Variants in ZFHX3 observed in about 807,000 individuals in gnomAD.
The protein encoded by ZFHX3 is zinc finger homeobox 3, also known as zinc finger homeobox protein 3.
Under a neutral mutation model 279.1 loss-of-function variants are expected in ZFHX3, and 42 were observed. That is an observed-to-expected ratio of 0.15 (90% CI 0.12 to 0.19). The LOEUF (loss-of-function observed/expected upper bound fraction) is 0.19, where lower values mean the gene tolerates loss of function less well. Ranked by LOEUF, ZFHX3 falls within the 10% of genes least tolerant of loss-of-function variation. ZFHX3 has a pLI of 1.00. For synonymous variants in ZFHX3, 2,293 were observed against 1,957.8 expected, an observed-to-expected ratio of 1.17 and a Z score of -4.52; for missense variants, 4,981 against 4,754.0, an observed-to-expected ratio of 1.05 and a Z score of -1.40.
intron 1 of ZFHX3, among the ~76,000 whole-genome samples, chr16:73,693,116 G>A (rs931701037): frequency 3.3e-5 from 5 of 152,114 alleles, no homozygotes; most frequent in African/African-American, 9.7e-5. Context: ...TGGCAATCAG[G>A]AAAAACAAGA....
chr16:72,825,824 A>G lies in ZFHX3; in HGVS notation c.3529+3955T>C, dbSNP rs149127158. The stretch of plus-strand genomic sequence containing the variant: ...AAAATTAAATACAATTTAAAGTTCA[A>G]TTCCTCAGTGGTACCAGCCACACTT... On this transcript the variant is annotated intron_variant, in intron 5 of 9. Coordinates refer to ENST00000268489, the MANE Select transcript of ZFHX3 (RefSeq NM_006885.4). Among the ~76,000 whole-genome samples the G allele has an allele frequency of 4.4e-3, 669 of 152,278 alleles. 4 individuals are homozygous for G. The highest frequency in any genetic ancestry group is 0.015 in the African/African-American group (636 of 41,552).
chr16:73,472,897 A>G (rs2018694233), intron 2 of ZFHX3, among the ~76,000 whole-genome samples: 1 of 151,866 alleles, frequency 6.6e-6, no homozygotes, highest in South Asian at 2.1e-4. Flanking sequence ...GGATTTCATC[A>G]TCTCTTGTCA....
At chr16:73,369,980 A>T (rs1451892784) in intron 3 of ZFHX3, among the ~76,000 whole-genome samples, 1 of 152,214 alleles carries the variant, frequency 6.6e-6, no homozygotes, top group African/African-American at 2.4e-5. Context: ...AGGACACACA[A>T]AAGATCCCTT....
chr16:73,424,881 G>C (rs762763844), intron 3 of ZFHX3, among the ~76,000 whole-genome samples: 1 of 151,448 alleles, frequency 6.6e-6, no homozygotes, highest in Admixed American at 6.6e-5. Context: ...AAAAGAGTTC[G>C]TTATTCTATA....
At chr16:73,312,768 C>T (rs952156166) in intron 4 of ZFHX3, among the ~76,000 whole-genome samples, 3 of 152,190 alleles carry the variant, frequency 2.0e-5, no homozygotes, top group Non-Finnish European at 4.4e-5. Flanking sequence ...GGGGCATGCT[C>T]AAGGTCAACA....
chr16:73,682,042 T>TG (rs1429553943), intron 1 of ZFHX3, among the ~76,000 whole-genome samples: 1 of 152,184 alleles, frequency 6.6e-6, no homozygotes, highest in East Asian at 1.9e-4. Context: ...TAATGGATGC[T>TG]TAACAAATAA....
chr16:73,565,978 A>G (rs1247437434), intron 2 of ZFHX3, among the ~76,000 whole-genome samples: 1 of 152,192 alleles, frequency 6.6e-6, no homozygotes, highest in Non-Finnish European at 1.5e-5. Flanking sequence ...AGGAGAAAAG[A>G]TGAGTTCTGA....
rs2143442318 is a variant in ZFHX3 at position 72,796,971 on chromosome 16, C to A, written c.5711G>T (p.Gly1904Val). Reference sequence around the variant, plus strand: ...GGCATCTGGCAGTGTTTCCTTCGGACCGGTGTTGCCCTCTCCCCCCTCGGC... The same window carrying A: ...GGCATCTGGCAGTGTTTCCTTCGGAACGGTGTTGCCCTCTCCCCCCTCGGC... Reference protein sequence around the residue: ...DSAEGGEGNTGPKETLPDALK... With the variant: ...DSAEGGEGNTVPKETLPDALK... Residue 1904 changes from glycine to valine, a missense_variant, in exon 9 of 10, where the codon GGT becomes GTT. By Grantham distance (109) the Gly-to-Val change is moderately radical (BLOSUM62 -3). This residue lies in a region of ZFHX3 where 1,751 missense variants were observed against 1,770.0 expected (regional missense o/e 0.99). Coordinates refer to ENST00000268489, the MANE Select transcript of ZFHX3 (RefSeq NM_006885.4). 1 of 1,613,984 alleles carries A rather than the reference C, an allele frequency of 6.2e-7. No homozygotes were observed. Among genetic ancestry groups the A allele is most frequent in the Non-Finnish European group, 8.5e-7 (1 of 1,180,004 alleles).
At chr16:72,991,412 T>C (rs185029660) in intron 1 of ZFHX3, among the ~76,000 whole-genome samples, 1 of 152,292 alleles carries the variant, frequency 6.6e-6, no homozygotes, top group Admixed American at 6.5e-5. Flanking sequence ...GCTAGGAGTA[T>C]ATGCTCTGAG....
At chr16:73,530,384 G>C (rs1428303889) in intron 2 of ZFHX3, among the ~76,000 whole-genome samples, 1 of 152,136 alleles carries the variant, frequency 6.6e-6, no homozygotes, top group African/African-American at 2.4e-5. Flanking sequence ...ACAGCCAAAC[G>C]GAAGTTAATT....
intron 3 of ZFHX3, among the ~76,000 whole-genome samples, chr16:72,937,252 A>C (rs1455867974): frequency 2.0e-5 from 3 of 152,178 alleles, no homozygotes; most frequent in Non-Finnish European, 4.4e-5. Flanking sequence ...AAACCACTGG[A>C]CTGAATGAGA....
rs200296529 is a variant in ZFHX3 at position 73,599,747 on chromosome 16, C to A, written c.-1547+80433G>T. On this transcript the variant is annotated intron_variant, in intron 2 of 17. Coordinates refer to the ZFHX3 transcript ENST00000641206. ...AAAATGTCATTAAAAAAAAAAAAAA[C>A]AACAACCTAAACCTTTAACAGCCCA... Among the ~76,000 whole-genome samples, 304 of 80,688 alleles carry A rather than the reference C, an allele frequency of 3.8e-3. 1 individual carries two copies. The highest frequency in any genetic ancestry group is 0.01 in the African/African-American group (243 of 23,834). The allele number at this position is 80,688 out of a possible 152,430, so 52.9% of individuals were successfully genotyped here.
chr16:73,150,514 T>TG (rs1597185160), intron 5 of ZFHX3, among the ~76,000 whole-genome samples: 1 of 152,226 alleles, frequency 6.6e-6, no homozygotes, highest in African/African-American at 2.4e-5. Flanking sequence ...TGGCAGCTGT[T>TG]GTAATTATAT....
chr16:73,451,874 C>T (rs548351729), intron 3 of ZFHX3, among the ~76,000 whole-genome samples: 44 of 152,246 alleles, frequency 2.9e-4, no homozygotes, highest in African/African-American at 1.0e-3. Context: ...AACACAACAC[C>T]GTCATTTTGA....
chr16:73,348,339 G>A (rs987026964), intron 3 of ZFHX3, among the ~76,000 whole-genome samples: 1 of 152,208 alleles, frequency 6.6e-6, no homozygotes, highest in African/African-American at 2.4e-5. Context: ...AAGTCTCCCT[G>A]CGATGGGTTG....
chr16:73,012,607 TG>T (rs1436928990), intron 1 of ZFHX3, among the ~76,000 whole-genome samples: 1 of 152,014 alleles, frequency 6.6e-6, no homozygotes, highest in Non-Finnish European at 1.5e-5. Context: ...GGAATTTGGG[TG>T]AAACTACTTA....
intron 4 of ZFHX3, among the ~76,000 whole-genome samples, chr16:73,280,854 G>A (rs1006333468): frequency 1.3e-5 from 2 of 151,940 alleles, no homozygotes; most frequent in Non-Finnish European, 2.9e-5. Context: ...GCATGGTGGT[G>A]CATGCCTGTC....
At chr16:73,687,978 C>T (rs548881045) in intron 1 of ZFHX3, among the ~76,000 whole-genome samples, 137 of 151,434 alleles carry the variant, frequency 9.0e-4, no homozygotes, top group Non-Finnish European at 1.6e-3. Context: ...CAACGTAAGA[C>T]GCAAATTCAC....
At chr16:72,990,170 G>A (rs144758118) in intron 1 of ZFHX3, among the ~76,000 whole-genome samples, 8 of 152,182 alleles carry the variant, frequency 5.3e-5, no homozygotes, top group Admixed American at 4.6e-4. Flanking sequence ...AGGAGGGTGG[G>A]GAAGGGCAGC....
Sources: allele counts gnomAD v4.1 joint callset (sites outside exome capture counted in the v4.1 genomes callset), GRCh38; gene constraint gnomAD v4.1.1; regional missense constraint gnomAD v4.1.1; transcripts MANE v1.5; gene names NCBI Gene and HGNC (gene_info 2026-07-23, HGNC 2026-07-21).